The following SGIP1 variants were observed in gnomAD, a reference collection of about 807,000 sequenced individuals.
The protein encoded by SGIP1 is SH3-containing GRB2-like protein 3-interacting protein 1.
A neutral mutation model predicts 107.5 loss-of-function variants in SGIP1; 38 were observed. The observed-to-expected ratio is 0.35, with a 90% CI of 0.27 to 0.46. SGIP1 has a LOEUF of 0.46. Ranked by LOEUF, SGIP1 falls within the 20% of genes least tolerant of loss-of-function variation. SGIP1 has a pLI of 1.00. For synonymous variants in SGIP1, 365 were observed against 366.1 expected (o/e 1.00, Z 0.03); for missense variants, 929 against 1,019.5 (o/e 0.91, Z 1.21).
At chr1:66,615,106 C>A (rs1303366512) in intron 1 of SGIP1, among the ~76,000 whole-genome samples, 2 of 151,802 alleles carry the variant, frequency 1.3e-5, no homozygotes, top group African/African-American at 4.8e-5. Context: ...CAGGCAGGAG[C>A]CTCTGCCCCC....
At chr1:66,534,944 A>G (rs1399348432) in intron 1 of SGIP1, among the ~76,000 whole-genome samples, 1 of 152,236 alleles carries the variant, frequency 6.6e-6, no homozygotes, top group Non-Finnish European at 1.5e-5. Context: ...AATGAAAAAT[A>G]TAAGGAAAAT....
chr1:66,734,189 A>G (rs1286152305), intron 21 of SGIP1, among the ~76,000 whole-genome samples: 1 of 152,158 alleles, frequency 6.6e-6, no homozygotes, highest in Admixed American at 6.5e-5. Context: ...GATAAACAAG[A>G]TGATTATAAT....
intron 1 of SGIP1, among the ~76,000 whole-genome samples, chr1:66,611,430 A>G (rs535733403): frequency 6.6e-6 from 1 of 152,376 alleles, no homozygotes; most frequent in African/African-American, 2.4e-5. Flanking sequence ...TCTTCTGTGT[A>G]GTGCAGAGCT....
intron 2 of SGIP1, among the ~76,000 whole-genome samples, chr1:66,631,681 T>TTCTCTCTCTCTCTCTCTCTCTC (rs71058468): frequency 1.1e-4 from 15 of 132,158 alleles, no homozygotes; most frequent in African/African-American, 1.7e-4. Flanking sequence ...CTCTCTCTCT[T>TTCTCTCTCTCTCTCTCTCTCTC]TCTCTCTCTC....
chr1:66,632,009 C>G (rs2074871046), intron 2 of SGIP1, among the ~76,000 whole-genome samples: 1 of 152,150 alleles, frequency 6.6e-6, no homozygotes, highest in Non-Finnish European at 1.5e-5. Context: ...CAAAATACCT[C>G]TAATACCTCT....
At chr1:66,623,320 A>G (rs1263640791) in intron 1 of SGIP1, among the ~76,000 whole-genome samples, 3 of 151,566 alleles carry the variant, frequency 2.0e-5, no homozygotes, top group African/African-American at 7.3e-5. Flanking sequence ...CCTGATCTTG[A>G]CTCACTACAA....
chr1:66,631,685 C>T (rs201575516), intron 2 of SGIP1, among the ~76,000 whole-genome samples: 4 of 3,800 alleles, frequency 1.1e-3, no homozygotes, highest in Non-Finnish European at 1.8e-3. Context: ...CTCTCTTTCT[C>T]TCTCTCTCTC....
chr1:66,565,415 T>C lies in SGIP1; in HGVS notation c.10+31047T>C, dbSNP rs550793618. On this transcript the variant is annotated intron_variant, in intron 1 of 24. Coordinates refer to ENST00000371037, the MANE Select transcript of SGIP1 (RefSeq NM_032291.4). Reference sequence around the variant, plus strand: ...AACTGTCATCATTATCAGAAATGAGTAGAAATTCAAACTTAATTATGTTAG... The same window carrying C: ...AACTGTCATCATTATCAGAAATGAGCAGAAATTCAAACTTAATTATGTTAG... Among the ~76,000 whole-genome samples the C allele has an allele frequency of 2.6e-5, 4 of 152,072 alleles. No individual in the cohort carries two copies. The East Asian group carries it at 7.8e-4, about 29-fold the overall frequency.
At chr1:66,664,567 T>TC (rs1316960525) in intron 8 of SGIP1, among the ~76,000 whole-genome samples, 1 of 152,168 alleles carries the variant, frequency 6.6e-6, no homozygotes, top group East Asian at 1.9e-4. Flanking sequence ...GCTGTATATC[T>TC]CAGAGCCTCA....
At chr1:66,658,601 A>G (rs2080255310) in intron 7 of SGIP1, among the ~76,000 whole-genome samples, 1 of 152,228 alleles carries the variant, frequency 6.6e-6, no homozygotes. Flanking sequence ...GAATTTATAA[A>G]CATGTGTTGA....
chr1:66,626,063 A>G (rs1558114830), intron 2 of SGIP1, 153 bp downstream of exon 2: 1 of 443,996 alleles, frequency 2.3e-6, no homozygotes, highest in Non-Finnish European at 3.9e-6. Context: ...CAATATAAAC[A>G]GTTCTTAGAT....
intron 18 of SGIP1, among the ~76,000 whole-genome samples, chr1:66,706,600 T>G (rs956065084): frequency 1.1e-4 from 17 of 151,480 alleles, no homozygotes; most frequent in Non-Finnish European, 2.5e-4. Context: ...TATTTAAAAT[T>G]CCAAAGTAAT....
At chr1:66,730,354 G>C (rs559794009) in intron 20 of SGIP1, among the ~76,000 whole-genome samples, 112 of 152,208 alleles carry the variant, frequency 7.4e-4, no homozygotes, top group Non-Finnish European at 1.5e-3. Context: ...AAACCCACAT[G>C]CATGCATGCT....
chr1:66,694,600 C>T (rs2090508191), intron 17 of SGIP1: 1 of 924,402 alleles, frequency 1.1e-6, no homozygotes, highest in African/African-American at 1.8e-5. Flanking sequence ...CATGCCCTCA[C>T]CTCATGAGTG....
intron 1 of SGIP1, among the ~76,000 whole-genome samples, chr1:66,602,903 A>C (rs2066136722): frequency 6.6e-6 from 1 of 152,192 alleles, no homozygotes; most frequent in African/African-American, 2.4e-5. Flanking sequence ...TAGAAATGTT[A>C]GGAAATTAAG....
intron 20 of SGIP1, among the ~76,000 whole-genome samples, chr1:66,732,631 A>C (rs937660347): frequency 7.2e-5 from 11 of 152,076 alleles, no homozygotes; most frequent in Non-Finnish European, 1.5e-4. Context: ...AGCTTTCTTG[A>C]TTTATGAGAC....
chr1:66,658,831 C>T (rs2149669824), intron 7 of SGIP1, among the ~76,000 whole-genome samples: 1 of 152,328 alleles, frequency 6.6e-6, no homozygotes, highest in Middle Eastern at 3.4e-3. Context: ...GGGTCACAAT[C>T]AAACCAGAGA....
intron 7 of SGIP1, chr1:66,660,086 AGG>A: frequency 9.1e-6 from 1 of 110,376 alleles, no homozygotes; most frequent in South Asian, 3.2e-4. Context: ...GGAAGGAGGG[AGG>A]GAAGGAAGGA....
chr1:66,541,947 C>T (rs899489577), intron 1 of SGIP1, among the ~76,000 whole-genome samples: 2 of 152,108 alleles, frequency 1.3e-5, no homozygotes, highest in East Asian at 3.9e-4. Context: ...TATATGATAC[C>T]ACATTAGCAT....
Sources: allele counts gnomAD v4.1 joint callset (sites outside exome capture counted in the v4.1 genomes callset), GRCh38; gene constraint gnomAD v4.1.1; transcripts MANE v1.5; gene names NCBI Gene and HGNC (gene_info 2026-07-23, HGNC 2026-07-21).